The following KDM3B variants were observed in gnomAD, a reference collection of about 807,000 sequenced individuals.
The protein encoded by KDM3B is lysine-specific demethylase 3B.
KDM3B carries 10 observed loss-of-function variants against 170.0 expected under a neutral mutation model. The ratio of observed to expected loss-of-function variants is 0.06; its 90% CI spans 0.04 to 0.10. The LOEUF (loss-of-function observed/expected upper bound fraction) is 0.10. Among genes scored for constraint, KDM3B ranks in the 10% least tolerant of loss-of-function variants. The probability of loss-of-function intolerance (pLI) is 1.00; values close to 1 mark genes in which losing one functional copy is unlikely to be tolerated. For synonymous variants in KDM3B, 831 were observed against 834.8 expected (o/e 1.00, Z 0.08); for missense variants, 1,394 against 2,195.2 (o/e 0.64, Z 7.29).
chr5:138,394,089 C>T (rs1340329944), intron 9 of KDM3B, among the ~76,000 whole-genome samples: 1 of 151,940 alleles, frequency 6.6e-6, no homozygotes, highest in Admixed American at 6.6e-5. Flanking sequence ...GGGAGGCAGA[C>T]AGTAAATAAG....
chr5:138,360,324 G>A (rs1440121423), intron 1 of KDM3B, among the ~76,000 whole-genome samples: 2 of 152,090 alleles, frequency 1.3e-5, no homozygotes, highest in African/African-American at 2.4e-5. Context: ...TTCTGTGTAT[G>A]GTTAGAGAAC....
At chr5:138,381,163 C>T (rs753975706) in intron 5 of KDM3B, among the ~76,000 whole-genome samples, 2 of 152,120 alleles carry the variant, frequency 1.3e-5, no homozygotes, top group African/African-American at 2.4e-5. Context: ...TGTGAACCAC[C>T]GCACCCAGCC....
intron 4 of KDM3B, among the ~76,000 whole-genome samples, chr5:138,378,529 G>A (rs540759958): frequency 6.1e-4 from 93 of 152,098 alleles, no homozygotes; most frequent in Admixed American, 2.3e-3. Context: ...CATTTATGTC[G>A]TACATTCACT....
intron 1 of KDM3B, among the ~76,000 whole-genome samples, chr5:138,369,587 A>C (rs1268546838): frequency 6.6e-6 from 1 of 151,842 alleles, no homozygotes; most frequent in Admixed American, 6.6e-5. Context: ...TTCCACATCT[A>C]CTCCTAGCGT....
intron 11 of KDM3B, among the ~76,000 whole-genome samples, chr5:138,411,053 C>G (rs990835327): frequency 1.3e-5 from 2 of 152,228 alleles, no homozygotes; most frequent in African/African-American, 2.4e-5. Flanking sequence ...GGAGCAGAGT[C>G]TTCTCTAAAC....
At chr5:138,432,176 C>A (rs985496172) in intron 23 of KDM3B, among the ~76,000 whole-genome samples, 11 of 152,192 alleles carry the variant, frequency 7.2e-5, no homozygotes, top group Admixed American at 5.2e-4. Context: ...AGCACTATGG[C>A]AGTGTGTTCT....
chr5:138,418,173 A>G (rs1192739781), intron 13 of KDM3B, among the ~76,000 whole-genome samples: 1 of 137,296 alleles, frequency 7.3e-6, no homozygotes, highest in African/African-American at 2.7e-5. Context: ...TCTGCCTCCC[A>G]GGTTCAAGTG....
chr5:138,377,287 A>G (rs1312986910), intron 3 of KDM3B, among the ~76,000 whole-genome samples: 1 of 152,248 alleles, frequency 6.6e-6, no homozygotes, highest in Non-Finnish European at 1.5e-5. Context: ...ACTGGCCTAA[A>G]TAAGTTTCTT....
rs1302397133 is a variant in KDM3B, at chr5:138,430,007, G to C, written c.4893+42G>C. 3 of 1,606,304 alleles carry C rather than the reference G, an allele frequency of 1.9e-6. No homozygotes were observed. The African/African-American group carries it at 4.0e-5, about 22-fold the overall frequency. On this transcript the variant is annotated intron_variant, in intron 21 of 23. Transcript: ENST00000314358. ...GCTGTGCTCCCAGCTCACATATCAA[G>C]AGTCTCGTTGCTGAGACACCCTATC...
intron 2 of KDM3B, 65 bp from the exon 3 acceptor site, chr5:138,375,028 T>G: frequency 1.2e-6 from 1 of 831,078 alleles, no homozygotes; most frequent in Non-Finnish European, 2.1e-6. Flanking sequence ...AAGTTAGAGA[T>G]TTGTTTGAAT....
At chr5:138,384,775 G>A (rs1423129927) in intron 6 of KDM3B, among the ~76,000 whole-genome samples, 1 of 148,314 alleles carries the variant, frequency 6.7e-6, no homozygotes, top group Non-Finnish European at 1.5e-5. Flanking sequence ...TTAGCCGGAT[G>A]TGGTGGCACA....
intron 12 of KDM3B, among the ~76,000 whole-genome samples, chr5:138,416,445 C>G (rs958964915): frequency 1.3e-5 from 2 of 151,972 alleles, no homozygotes; most frequent in Admixed American, 6.6e-5. Flanking sequence ...TAAAGTTAGC[C>G]AGGCATGGTG....
chr5:138,364,498 G>C (rs1761694258), intron 1 of KDM3B, among the ~76,000 whole-genome samples: 1 of 151,600 alleles, frequency 6.6e-6, no homozygotes, highest in Admixed American at 6.6e-5. Flanking sequence ...AACCTTTTCA[G>C]TGTTTAGGGT....
intron 15 of KDM3B, among the ~76,000 whole-genome samples, chr5:138,422,740 C>T (rs938554869): frequency 1.3e-5 from 2 of 152,126 alleles, no homozygotes; most frequent in East Asian, 1.9e-4. Context: ...CAGTGTTTCT[C>T]GAGATATTAT....
chr5:138,405,744 G>T (rs1762801988), intron 11 of KDM3B, among the ~76,000 whole-genome samples: 3 of 152,096 alleles, frequency 2.0e-5, no homozygotes, highest in Non-Finnish European at 2.9e-5. Context: ...AAAGTTAATT[G>T]TTTAAAAGCA....
At position 138,354,185 on chromosome 5, in the gene KDM3B, G is replaced by A. The variant is rs149041177; in HGVS notation, c.192+1198G>A. On this transcript the variant is annotated intron_variant, in intron 1 of 23. Coordinates refer to ENST00000314358, the MANE Select transcript of KDM3B (RefSeq NM_016604.4). ...AGCTTTATGGATTTTTTTTGTGGAT[G>A]GCTTAGGCTTTGCTTCTGCTACTTG... Among the ~76,000 whole-genome samples, 682 of 152,030 alleles carry A rather than the reference G, an allele frequency of 4.5e-3. 4 individuals are homozygous for A. The highest frequency in any genetic ancestry group is 6.8e-3 in the Middle Eastern group (2 of 294).
chr5:138,357,706 TTTA>T lies in KDM3B; in HGVS notation c.192+4722_192+4724del, dbSNP rs577466927. 1.3e-4 allele frequency among the ~76,000 whole-genome samples: 20 copies of T among 152,156 alleles called. No individual in the cohort carries two copies. In the South Asian group the frequency reaches 1.9e-3, roughly 14 times the overall value. On this transcript the variant is annotated intron_variant, in intron 1 of 23. Coordinates refer to ENST00000314358, the MANE Select transcript of KDM3B (RefSeq NM_016604.4). ...CTTTAGATTTTTGGTACATCTGGAATTTATTTTTTTATTTTTATTTATTTATTT... is the reference window on the plus strand; with the variant it reads ...CTTTAGATTTTTGGTACATCTGGAATTTTTTTTATTTTTATTTATTTATTT...
Position 138,381,500 on chromosome 5 carries a change from T to C in KDM3B, c.706-16T>C. On this transcript the variant is annotated splice_polypyrimidine_tract_variant and intron_variant, in intron 5 of 23. Transcript: ENST00000314358. ...ATGGACAAGGCATTAAATATCTTTT[T>C]CCCCTCCTACTGTAGAGTGGTGAGA... 6.8e-7 allele frequency: 1 copy of C among 1,475,646 alleles called. No homozygotes were observed. Among genetic ancestry groups the C allele is most frequent in the Non-Finnish European group, 9.5e-7 (1 of 1,053,590 alleles). 91.4% of individuals were successfully genotyped at this position (1,475,646 alleles called of 1,614,324 possible).
chr5:138,392,915 T>G (rs1762469563), intron 8 of KDM3B, among the ~76,000 whole-genome samples: 3 of 152,196 alleles, frequency 2.0e-5, no homozygotes, highest in Non-Finnish European at 4.4e-5. Flanking sequence ...TTCTTATGTT[T>G]TTCACATCCA....
Sources: gnomAD v4.1 joint callset for allele counts (sites outside exome capture counted in the v4.1 genomes callset) on GRCh38, gnomAD v4.1.1 for gene constraint, MANE v1.5 for transcripts, NCBI Gene and HGNC (gene_info 2026-07-23, HGNC 2026-07-21) for gene names.